The following SLC5A11 variants were observed in gnomAD, a reference collection of about 807,000 sequenced individuals.
The protein encoded by SLC5A11 is sodium/myo-inositol cotransporter 2.
A neutral mutation model predicts 69.8 loss-of-function variants in SLC5A11; 48 were observed. The ratio of observed to expected loss-of-function variants is 0.69; its 90% confidence interval spans 0.55 to 0.87. The LOEUF is 0.87. SLC5A11 is among the 40% of genes least tolerant of loss of function. SLC5A11 has a pLI of 0.00. For missense variants in SLC5A11, 784 were observed against 866.1 expected (o/e 0.91, Z 1.19); for synonymous variants, 319 against 342.4 (o/e 0.93, Z 0.75).
At chr16:24,902,780 C>A (rs1369674549) in intron 10 of SLC5A11, among the ~76,000 whole-genome samples, 3 of 152,304 alleles carry the variant, frequency 2.0e-5, no homozygotes, top group African/African-American at 7.2e-5. Flanking sequence ...CTCAGGTGAT[C>A]TGCCCATCTC....
At chr16:24,851,608 T>C (rs1301136540) in intron 1 of SLC5A11, among the ~76,000 whole-genome samples, 1 of 152,140 alleles carries the variant, frequency 6.6e-6, no homozygotes, top group Non-Finnish European at 1.5e-5. Flanking sequence ...GCCTCCCAAG[T>C]CATGCTTTCT....
chr16:24,906,041 C>G (rs957903653), intron 10 of SLC5A11, among the ~76,000 whole-genome samples: 2 of 152,130 alleles, frequency 1.3e-5, no homozygotes, highest in African/African-American at 4.8e-5. Flanking sequence ...ACAAGAGAAT[C>G]TACGTATAGG....
intron 7 of SLC5A11, among the ~76,000 whole-genome samples, chr16:24,880,721 C>T (rs2047991082): frequency 6.6e-6 from 1 of 152,018 alleles, no homozygotes; most frequent in South Asian, 2.1e-4. Context: ...TTAAAATCAC[C>T]CCCATAATCC....
chr16:24,905,638 G>GTGCACA (rs1555534419), intron 10 of SLC5A11, among the ~76,000 whole-genome samples: 93 of 70,292 alleles, frequency 1.3e-3, no homozygotes, highest in Middle Eastern at 6.7e-3. Flanking sequence ...ACGCGCGCGC[G>GTGCACA]CGCACACACA....
intron 15 of SLC5A11, 132 bp downstream of exon 16, chr16:24,910,609 T>G (rs2050447755): frequency 1.0e-6 from 1 of 994,492 alleles, no homozygotes; most frequent in Non-Finnish European, 1.4e-6. Context: ...CTGGCTCCAG[T>G]GTCTGATCTG....
chr16:24,905,636 GCGCGCACACA>G (rs897771975), intron 10 of SLC5A11, among the ~76,000 whole-genome samples: 24 of 78,200 alleles, frequency 3.1e-4, no homozygotes, highest in Non-Finnish European at 6.6e-4. Flanking sequence ...ACACGCGCGC[GCGCGCACACA>G]CACACACACA....
chr16:24,894,895 C>A (rs146514199), intron 9 of SLC5A11, among the ~76,000 whole-genome samples: 1 of 152,086 alleles, frequency 6.6e-6, no homozygotes, highest in African/African-American at 2.4e-5. Context: ...TGTGAGAAGA[C>A]GATTGCTTGA....
At chr16:24,847,448 C>T (rs1226584451) in intron 1 of SLC5A11, among the ~76,000 whole-genome samples, 3 of 151,468 alleles carry the variant, frequency 2.0e-5, no homozygotes, top group Non-Finnish European at 2.9e-5. Flanking sequence ...TCTTTTCTTT[C>T]ACAGGGTCTC....
At chr16:24,901,670 A>G (rs1170864569) in intron 10 of SLC5A11, among the ~76,000 whole-genome samples, 1 of 152,046 alleles carries the variant, frequency 6.6e-6, no homozygotes, top group Non-Finnish European at 1.5e-5. Context: ...ATATTTTGAG[A>G]GCCAATTATC....
intron 10 of SLC5A11, among the ~76,000 whole-genome samples, chr16:24,899,175 C>T (rs1025233807): frequency 6.6e-6 from 1 of 152,120 alleles, no homozygotes; most frequent in African/African-American, 2.4e-5. Context: ...TCTAGTGACT[C>T]TATGCTGTTT....
intron 10 of SLC5A11, among the ~76,000 whole-genome samples, chr16:24,901,952 ACACACG>A (rs151245240): frequency 0.2 from 27,098 of 132,610 alleles, 3,015 homozygotes; most frequent in East Asian, 0.43. Flanking sequence ...ACACACACAC[ACACACG>A]CACACACACA....
chr16:24,861,361 T>C (rs768145387), intron 2 of SLC5A11, among the ~76,000 whole-genome samples: 19 of 151,882 alleles, frequency 1.3e-4, no homozygotes, highest in Non-Finnish European at 2.2e-4. Flanking sequence ...ATGCCTGTAG[T>C]CCCAGATACT....
intron 1 of SLC5A11, among the ~76,000 whole-genome samples, chr16:24,857,109 T>G (rs2059569857): frequency 6.6e-6 from 1 of 152,200 alleles, no homozygotes; most frequent in Non-Finnish European, 1.5e-5. Flanking sequence ...CATGAGCCAC[T>G]GAGCCCGGCC....
intron 6 of SLC5A11, chr16:24,877,012 T>C: frequency 8.1e-7 from 1 of 1,232,108 alleles, no homozygotes; most frequent in Non-Finnish European, 1.0e-6. Flanking sequence ...GAAGATGGAG[T>C]GGGAGAGGAC....
chr16:24,903,139 T>C (rs1204899042), intron 10 of SLC5A11, among the ~76,000 whole-genome samples: 3 of 151,528 alleles, frequency 2.0e-5, no homozygotes, highest in South Asian at 2.1e-4. Context: ...GTGCAAACTT[T>C]CAGTCCCGAT....
intron 15 of SLC5A11, 103 bp from the exon 17 acceptor site, chr16:24,911,224 GC>G (rs2050501196): frequency 1.0e-6 from 1 of 957,570 alleles, no homozygotes; most frequent in African/African-American, 1.7e-5. Context: ...GGTGGTTCAC[GC>G]CTGTAATCCC....
chr16:24,906,996 G>A (rs763427048), intron 11 of SLC5A11, 29 bp from the exon 13 acceptor site: 28 of 1,608,098 alleles, frequency 1.7e-5, no homozygotes, highest in Middle Eastern at 3.3e-4. Context: ...GAAAAGGACC[G>A]AGGCCCATGA....
chr16:24,856,693 C>A (rs902314682), intron 1 of SLC5A11, among the ~76,000 whole-genome samples: 5 of 149,538 alleles, frequency 3.3e-5, no homozygotes, highest in Non-Finnish European at 7.4e-5. Context: ...ATGGTGTGAA[C>A]CGGGGAGGCA....
intron 3 of SLC5A11, among the ~76,000 whole-genome samples, chr16:24,868,434 C>CAAAA (rs527506260): frequency 2.3e-5 from 3 of 128,802 alleles, no homozygotes; most frequent in African/African-American, 8.5e-5. Flanking sequence ...ACTAAAAATA[C>CAAAA]AAAAAAAAAA....
Sources: allele counts gnomAD v4.1 joint callset (sites outside exome capture counted in the v4.1 genomes callset), GRCh38; gene constraint gnomAD v4.1.1; transcripts MANE v1.5; gene names NCBI Gene and HGNC (gene_info 2026-07-23, HGNC 2026-07-21).